Variants in ZPBP observed in about 807,000 individuals in gnomAD.
The protein encoded by ZPBP is zona pellucida-binding protein 1.
A neutral mutation model predicts 44.8 loss-of-function variants in ZPBP; 26 were observed. The ratio of observed to expected loss-of-function variants is 0.58; its 90% CI spans 0.43 to 0.81. The LOEUF is 0.81. Ranked by LOEUF, ZPBP falls within the 30% of genes least tolerant of loss-of-function variation. ZPBP has a pLI of 0.00. For synonymous variants in ZPBP, 174 were observed against 153.2 expected (o/e 1.14, Z -1.00); for missense variants, 409 against 434.0 (o/e 0.94, Z 0.51).
At chr7:49,957,421 G>T (rs924494036) in intron 7 of ZPBP, among the ~76,000 whole-genome samples, 1 of 152,176 alleles carries the variant, frequency 6.6e-6, no homozygotes, top group Non-Finnish European at 1.5e-5. Flanking sequence ...GGCCTAGTGG[G>T]CCCTCAGGAC....
At chr7:49,935,403 T>C (rs910554370), downstream of ZPBP, among the ~76,000 whole-genome samples, 1 of 152,084 alleles carries the variant, frequency 6.6e-6, no homozygotes, top group Non-Finnish European at 1.5e-5. Context: ...TTATTATTAA[T>C]ATTATTATTT....
At chr7:49,880,573 T>C (rs1426431160) in intron 2 of ZPBP, among the ~76,000 whole-genome samples, 1 of 151,446 alleles carries the variant, frequency 6.6e-6, no homozygotes, top group Admixed American at 6.6e-5. Flanking sequence ...ATCATTTCTA[T>C]TTTTTATTTT....
At chr7:49,982,161 TATATATTATA>T (rs1797014545) in intron 7 of ZPBP, among the ~76,000 whole-genome samples, 3 of 26,000 alleles carry the variant, frequency 1.2e-4, no homozygotes, top group African/African-American at 3.7e-4. Flanking sequence ...TAATATATAA[TATATATTATA>T]TATATATAAT....
At chr7:49,883,815 A>G (rs1214900983) in intron 2 of ZPBP, among the ~76,000 whole-genome samples, 2 of 152,206 alleles carry the variant, frequency 1.3e-5, no homozygotes, top group African/African-American at 4.8e-5. Flanking sequence ...CAATGAACAG[A>G]GCCTAATTCA....
intron 6 of ZPBP, among the ~76,000 whole-genome samples, chr7:50,007,101 T>C (rs1241993053): frequency 2.6e-5 from 4 of 151,848 alleles, no homozygotes; most frequent in Non-Finnish European, 5.9e-5. Flanking sequence ...GAAGGCACTA[T>C]CTCTATGAAA....
At chr7:49,947,325 T>TACC (rs2128756288) in intron 7 of ZPBP, among the ~76,000 whole-genome samples, 1 of 152,284 alleles carries the variant, frequency 6.6e-6, no homozygotes, top group South Asian at 2.1e-4. Flanking sequence ...GGCTTTTATG[T>TACC]ACCCATCCTC....
At chr7:50,024,464 TACACAC>T (rs34796150) in intron 5 of ZPBP, among the ~76,000 whole-genome samples, 1 of 151,050 alleles carries the variant, frequency 6.6e-6, no homozygotes, top group Admixed American at 6.6e-5. Context: ...TAATGCATTA[TACACAC>T]ACACACACAG....
intron 3 of ZPBP, among the ~76,000 whole-genome samples, chr7:50,077,896 T>C (rs553568482): frequency 2.0e-5 from 3 of 151,820 alleles, no homozygotes; most frequent in Non-Finnish European, 4.4e-5. Flanking sequence ...TCTTGGTACA[T>C]ACCCACAAGA....
At chr7:49,948,919 T>G (rs529820750) in intron 7 of ZPBP, among the ~76,000 whole-genome samples, 1 of 152,286 alleles carries the variant, frequency 6.6e-6, no homozygotes, top group African/African-American at 2.4e-5. Context: ...TTGTATGCAT[T>G]ATGGACTTAA....
Position 50,062,111 on chromosome 7 carries a change from T to C in ZPBP, c.335-3970A>G, listed in dbSNP as rs1475738387. Among the ~76,000 whole-genome samples the C allele has an allele frequency of 2.4e-4, 37 of 152,116 alleles. 2 individuals are homozygous for C. The highest frequency in any genetic ancestry group is 2.4e-3 in the Admixed American group (37 of 15,268). On this transcript the variant is annotated intron_variant, in intron 3 of 7. Transcript: ENST00000046087. The stretch of plus-strand genomic sequence containing the variant: ...AGAATAAAATACCTAGGAATACAGT[T>C]AACAAGGGAGGTGAACGATCTCTAC...
At chr7:50,045,370 G>T (rs2128820574) in intron 4 of ZPBP, among the ~76,000 whole-genome samples, 1 of 152,298 alleles carries the variant, frequency 6.6e-6, no homozygotes, top group Admixed American at 6.5e-5. Flanking sequence ...GTCTCTGTTT[G>T]CAGATGACAT....
intron 1 of ZPBP, among the ~76,000 whole-genome samples, chr7:49,926,762 G>C (rs1185354180): frequency 1.3e-5 from 2 of 152,226 alleles, no homozygotes; most frequent in Non-Finnish European, 2.9e-5. Flanking sequence ...AGAGAAAAAG[G>C]GAAGGAAGAG....
intron 7 of ZPBP, among the ~76,000 whole-genome samples, chr7:49,958,769 A>T (rs1795719789): frequency 6.6e-6 from 1 of 152,224 alleles, no homozygotes. Context: ...ACAAGCTGGT[A>T]ACCCAGTGAA....
At chr7:50,066,713 C>G (rs1047190985) in intron 3 of ZPBP, among the ~76,000 whole-genome samples, 3 of 152,168 alleles carry the variant, frequency 2.0e-5, no homozygotes, top group Non-Finnish European at 2.9e-5. Flanking sequence ...AGATGGTCCT[C>G]TTAGCTTCAG....
intron 7 of ZPBP, among the ~76,000 whole-genome samples, chr7:49,973,727 A>G (rs1385419878): frequency 1.3e-5 from 2 of 152,170 alleles, no homozygotes; most frequent in African/African-American, 2.4e-5. Context: ...AGGCTTGTAT[A>G]TTGCTGGTGG....
chr7:49,891,501 A>G (rs1290308312), intron 2 of ZPBP, among the ~76,000 whole-genome samples: 5 of 152,240 alleles, frequency 3.3e-5, no homozygotes, highest in African/African-American at 1.2e-4. Context: ...AAGATACTTC[A>G]AAAGACACAT....
At chr7:49,945,035 A>G (rs370157815) in intron 7 of ZPBP, among the ~76,000 whole-genome samples, 1 of 152,136 alleles carries the variant, frequency 6.6e-6, no homozygotes, top group Non-Finnish European at 1.5e-5. Context: ...AGGTTTAGGT[A>G]CATCAGGTTT....
chr7:49,956,161 T>A (rs528533805), intron 7 of ZPBP, among the ~76,000 whole-genome samples: 1 of 152,164 alleles, frequency 6.6e-6, no homozygotes, highest in African/African-American at 2.4e-5. Context: ...CAGGGAAGAG[T>A]ATCCATTCTG....
chr7:49,870,549 G>A (rs1204406260), intron 2 of ZPBP, among the ~76,000 whole-genome samples: 1 of 152,132 alleles, frequency 6.6e-6, no homozygotes, highest in African/African-American at 2.4e-5. Context: ...AGTGGGAGTG[G>A]TGACTGGCAC....
Sources: allele counts gnomAD v4.1 joint callset (sites outside exome capture counted in the v4.1 genomes callset), GRCh38; gene constraint gnomAD v4.1.1; transcripts MANE v1.5; gene names NCBI Gene and HGNC (gene_info 2026-07-23, HGNC 2026-07-21).